Variants in PTPRZ1 observed in about 807,000 individuals in gnomAD.
PTPRZ1 encodes receptor-type tyrosine-protein phosphatase zeta.
Under a neutral mutation model 214.1 loss-of-function variants are expected in PTPRZ1, and 82 were observed. That is an observed-to-expected ratio of 0.38 (90% confidence interval 0.32 to 0.46). PTPRZ1 has a LOEUF of 0.46. Among genes scored for constraint, PTPRZ1 ranks in the 20% least tolerant of loss-of-function variants. The pLI, the probability that PTPRZ1 is intolerant of heterozygous loss-of-function variation, is 1.00. For missense variants in PTPRZ1, 2,603 were observed against 2,748.7 expected (o/e 0.95, Z 1.19); for synonymous variants, 945 against 987.9 (o/e 0.96, Z 0.81).
intron 1 of PTPRZ1, among the ~76,000 whole-genome samples, chr7:121,920,796 A>G (rs187378977): frequency 3.9e-5 from 6 of 152,290 alleles, no homozygotes; most frequent in African/African-American, 1.4e-4. Flanking sequence ...GACATTGTCA[A>G]CTTTTAATTT....
intron 1 of PTPRZ1, among the ~76,000 whole-genome samples, chr7:121,891,988 T>G (rs1794640455): frequency 6.6e-6 from 1 of 152,170 alleles, no homozygotes; most frequent in East Asian, 1.9e-4. Flanking sequence ...AAATTTGTTA[T>G]TTTAAATAAA....
rs531437872 is a variant in PTPRZ1 at position 122,014,464 on chromosome 7, A to G, written c.4843+575A>G. 5.1e-4 allele frequency among the ~76,000 whole-genome samples: 77 copies of G among 152,158 alleles called. 2 individuals carry two copies. The South Asian group carries it at 0.016, about 31-fold the overall frequency. The stretch of plus-strand genomic sequence containing the variant: ...AATTAATTAATTAATTTTGAGACGG[A>G]GTCTCGCTCTGTCGCCCAGGCTGGA... On this transcript the variant is annotated intron_variant, in intron 12 of 29. Transcript: ENST00000393386.
At chr7:121,993,995 TAAAC>T (rs1311211299) in intron 8 of PTPRZ1, among the ~76,000 whole-genome samples, 4 of 152,264 alleles carry the variant, frequency 2.6e-5, no homozygotes, top group Non-Finnish European at 4.4e-5. Context: ...CTCAAGCTAT[TAAAC>T]AAATAACTAA....
At chr7:121,884,234 T>C (rs1002684864) in intron 1 of PTPRZ1, among the ~76,000 whole-genome samples, 4 of 152,076 alleles carry the variant, frequency 2.6e-5, no homozygotes, top group Non-Finnish European at 5.9e-5. Flanking sequence ...GGAAATGACA[T>C]GTAATGGTTT....
intron 27 of PTPRZ1, among the ~76,000 whole-genome samples, chr7:122,058,150 A>G (rs1168933859): frequency 6.6e-6 from 1 of 151,814 alleles, no homozygotes; most frequent in Non-Finnish European, 1.5e-5. Context: ...ATTTACCAGT[A>G]TCTTGGCTAT....
At chr7:121,877,936 A>G (rs1340454906) in intron 1 of PTPRZ1, among the ~76,000 whole-genome samples, 1 of 151,058 alleles carries the variant, frequency 6.6e-6, no homozygotes, top group Non-Finnish European at 1.5e-5. Context: ...ATATATATGC[A>G]TATACATAAA....
rs199614560 is a variant in PTPRZ1 at position 122,023,523 on chromosome 7, TTA to T, written c.4988+4266_4988+4267del. 1.4e-3 allele frequency among the ~76,000 whole-genome samples: 161 copies of T among 113,210 alleles called. No individual in the cohort carries two copies. The East Asian group carries it at 0.023, about 16-fold the overall frequency. 74.3% of individuals were successfully genotyped at this position (113,210 alleles called of 152,430 possible). A position where few individuals can be genotyped will look rare whatever the true frequency, so the allele number is the denominator to read the frequency against. ...TATATATGTATAATTTTATATATAA[TTA>T]TATATATATAATTTTATATATAATT... On this transcript the variant is annotated intron_variant, in intron 13 of 29. Coordinates refer to ENST00000393386, the MANE Select transcript of PTPRZ1 (RefSeq NM_002851.3).
At chr7:122,061,006 AAT>A in intron 29 of PTPRZ1, 72 bp from the exon 30 acceptor site, 1 of 1,435,650 alleles carries the variant, frequency 7.0e-7, no homozygotes, top group East Asian at 2.3e-5. Flanking sequence ...TGTGTCTAAA[AAT>A]ATTTCTTCTT....
At position 122,034,231 on chromosome 7, in the gene PTPRZ1, C is replaced by T. The variant is rs375064806; in HGVS notation, c.5188-51C>T. On this transcript the variant is annotated intron_variant, in intron 16 of 29. Coordinates refer to ENST00000393386, the MANE Select transcript of PTPRZ1 (RefSeq NM_002851.3). The stretch of plus-strand genomic sequence containing the variant: ...GTCTTCGTTATTATATTTTAAGGCA[C>T]GTTGTTTGAAAGAATGTGTGTTAAA... 281 of 1,578,302 alleles carry T rather than the reference C, an allele frequency of 1.8e-4. No homozygotes were observed. In the African/African-American group the frequency reaches 2.2e-3, roughly 13 times the overall value.
At chr7:121,927,437 A>G (rs924181882) in intron 1 of PTPRZ1, among the ~76,000 whole-genome samples, 2 of 152,190 alleles carry the variant, frequency 1.3e-5, no homozygotes, top group Non-Finnish European at 2.9e-5. Flanking sequence ...ATGCAGAGTG[A>G]GACTGGTTTT....
chr7:122,033,232 A>G (rs1258066318), intron 15 of PTPRZ1, among the ~76,000 whole-genome samples: 1 of 152,042 alleles, frequency 6.6e-6, no homozygotes, highest in Admixed American at 6.6e-5. Context: ...ATACCTTTTA[A>G]GTGGTTCTTA....
intron 10 of PTPRZ1, among the ~76,000 whole-genome samples, chr7:122,003,372 T>A (rs969716273): frequency 1.2e-4 from 18 of 152,166 alleles, no homozygotes; most frequent in Non-Finnish European, 1.8e-4. Flanking sequence ...TTGTCAAGAG[T>A]ATGAACTTTA....
chr7:121,895,898 G>T (rs976443514), intron 1 of PTPRZ1, among the ~76,000 whole-genome samples: 9 of 152,138 alleles, frequency 5.9e-5, no homozygotes, highest in African/African-American at 1.4e-4. Context: ...ATATTATTTC[G>T]TTGCACTTGG....
Position 122,013,749 on chromosome 7 carries a change from T to C in PTPRZ1, c.4703T>C (p.Phe1568Ser). 1.9e-6 allele frequency: 3 copies of C among 1,614,202 alleles called. No homozygotes were observed. Among genetic ancestry groups the C allele is most frequent in the Middle Eastern group, 1.6e-4 (1 of 6,062 alleles). The stretch of plus-strand genomic sequence containing the variant: ...AATGAGAATGAGACTTCCACAGATT[T>C]CAGTTTTGCAGACACTAATGAAAAA... ...SLNENETSTD[F>S]SFADTNEKDA... The change falls in exon 12 of 30, where the codon TTC becomes TCC. Residue 1568 changes from phenylalanine (F) to serine (S), a missense_variant. Around this residue, in one of 6 missense-constraint regions of PTPRZ1, gnomAD observed 1,913 missense variants for 1,914.3 expected, o/e 1.00. Transcript: ENST00000393386.
At chr7:122,001,313 A>G (rs1295185296) in intron 10 of PTPRZ1, among the ~76,000 whole-genome samples, 2 of 152,214 alleles carry the variant, frequency 1.3e-5, no homozygotes, top group Non-Finnish European at 2.9e-5. Context: ...TTTCATAAAT[A>G]TATTTATCTT....
In PTPRZ1 at chr7:121,996,458, T is replaced by C; in HGVS notation, c.1005T>C (p.Pro335=). The C allele has an allele frequency of 6.2e-7, 1 of 1,613,642 alleles. No individual in the cohort carries two copies. ...YTSLLVTWER[P]RVVYDTMIEK... is the part of the protein sequence containing the mutation. ...GCCTTCTTGTTACATGGGAAAGACC[T>C]CGAGTCGTTTATGATACCATGATTG... The change falls in exon 9 of 30, where the codon CCT becomes CCC. Residue 335 remains proline, a synonymous_variant. Transcript: ENST00000393386.
intron 1 of PTPRZ1, among the ~76,000 whole-genome samples, chr7:121,882,445 T>C (rs1794270813): frequency 6.6e-6 from 1 of 152,104 alleles, no homozygotes; most frequent in Non-Finnish European, 1.5e-5. Context: ...GCAGAAGGCA[T>C]CAGAGGGATT....
intron 1 of PTPRZ1, among the ~76,000 whole-genome samples, chr7:121,906,209 A>G (rs1020225080): frequency 6.6e-6 from 1 of 152,184 alleles, no homozygotes; most frequent in African/African-American, 2.4e-5. Context: ...CCAAAAGCAC[A>G]GGATCTCTGG....
chr7:121,968,076 G>A lies in PTPRZ1; in HGVS notation c.250G>A (p.Gly84Ser). 1.2e-6 allele frequency: 2 copies of A among 1,606,798 alleles called. No homozygotes were observed. Among genetic ancestry groups the A allele is most frequent in the Middle Eastern group, 1.7e-4 (1 of 6,040 alleles). Residue 84 changes from glycine (G) to serine (S), a missense_variant, in exon 3 of 30, where the codon GGT (glycine) becomes AGT (serine). Physicochemically the swap from Gly to Ser is moderately conservative, Grantham distance 56 (BLOSUM62 0). This residue lies in a region of PTPRZ1 where 141 missense variants were observed against 143.7 expected (regional missense o/e 0.98). Coordinates refer to ENST00000393386, the MANE Select transcript of PTPRZ1 (RefSeq NM_002851.3). ...GAATCTTAAGAAACTTAAATTTCAG[G>A]GTTGGGATAAAACATCATTGGAAAA... ...NVNLKKLKFQ[G>S]WDKTSLENTF... is the part of the protein sequence containing the mutation.
Sources: allele counts gnomAD v4.1 joint callset (sites outside exome capture counted in the v4.1 genomes callset), GRCh38; gene constraint gnomAD v4.1.1; regional missense constraint gnomAD v4.1.1; transcripts MANE v1.5; gene names NCBI Gene and HGNC (gene_info 2026-07-23, HGNC 2026-07-21).